Variants in MCM9 observed in about 807,000 individuals in gnomAD.
MCM9 encodes minichromosome maintenance 9 homologous recombination repair factor.
Under a neutral mutation model 72.8 loss-of-function variants are expected in MCM9, and 55 were observed. That is an observed-to-expected ratio of 0.76 (90% confidence interval 0.61 to 0.95). The LOEUF (loss-of-function observed/expected upper bound fraction) is 0.95. Ranked by LOEUF, MCM9 falls within the 40% of genes least tolerant of loss-of-function variation. MCM9 has a pLI of 0.00. For missense variants in MCM9, 1,279 were observed against 1,377.0 expected, an observed-to-expected ratio of 0.93 and a Z score of 1.13; for synonymous variants, 480 against 503.4, an observed-to-expected ratio of 0.95 and a Z score of 0.62.
intron 3 of MCM9, among the ~76,000 whole-genome samples, chr6:118,926,082 A>G (rs562743673): frequency 6.6e-6 from 1 of 152,018 alleles, no homozygotes; most frequent in Non-Finnish European, 1.5e-5. Context: ...AGTAGCAGTC[A>G]CTCCCCATTC....
chr6:118,864,496 C>T lies in MCM9; in HGVS notation c.1151-7951G>A, dbSNP rs185289316. On this transcript the variant is annotated intron_variant, in intron 8 of 13. Transcript: ENST00000619706. The stretch of plus-strand genomic sequence containing the variant: ...CAAAAGCACCAAATAAACATCTATT[C>T]ACGAATCAGTTCCCTCCGAGAGAAA... 8.5e-5 allele frequency among the ~76,000 whole-genome samples: 13 copies of T among 152,210 alleles called. No individual in the cohort carries two copies. The East Asian group carries it at 2.3e-3, about 27-fold the overall frequency.
At chr6:118,927,047 C>A (rs531435346) in intron 3 of MCM9, among the ~76,000 whole-genome samples, 69 of 152,232 alleles carry the variant, frequency 4.5e-4, no homozygotes, top group African/African-American at 1.6e-3. Flanking sequence ...AACAAAAATT[C>A]TTTGGGTTTC....
rs560003759 is a variant in MCM9 at position 118,851,858 on chromosome 6, G to T, written c.1325+4513C>A. On this transcript the variant is annotated intron_variant, in intron 9 of 13. Coordinates refer to ENST00000619706, the MANE Select transcript of MCM9 (RefSeq NM_017696.3). ...TAACAATGCCTACCACAGTGCGGTG[G>T]TCTAAAAAAGCAGCTCTTGAGAAAT... Among the ~76,000 whole-genome samples the T allele has an allele frequency of 2.6e-5, 4 of 152,290 alleles. No individual in the cohort carries two copies. The East Asian group carries it at 7.7e-4, about 29-fold the overall frequency.
chr6:118,846,026 T>C (rs1775839390), intron 9 of MCM9, among the ~76,000 whole-genome samples: 1 of 151,820 alleles, frequency 6.6e-6, no homozygotes, highest in African/African-American at 2.4e-5. Flanking sequence ...TTTTCCTATA[T>C]GTGGTTCAGA....
intron 9 of MCM9, among the ~76,000 whole-genome samples, chr6:118,837,152 G>C (rs1198311644): frequency 1.3e-5 from 2 of 152,180 alleles, no homozygotes; most frequent in Non-Finnish European, 2.9e-5. Flanking sequence ...TTCAGGAGCA[G>C]TTTCCATGTA....
chr6:118,856,928 C>T (rs1776593031), intron 8 of MCM9, among the ~76,000 whole-genome samples: 2 of 152,044 alleles, frequency 1.3e-5, no homozygotes, highest in Admixed American at 1.3e-4. Flanking sequence ...AAAGAAATGC[C>T]TACATTTTAA....
intron 3 of MCM9, among the ~76,000 whole-genome samples, chr6:118,928,647 A>G (rs1158087983): frequency 1.3e-5 from 2 of 151,660 alleles, no homozygotes; most frequent in Non-Finnish European, 2.9e-5. Context: ...TAGGAGTTCA[A>G]GACCAGCCTG....
At chr6:118,904,367 T>C (rs1780020286) in intron 8 of MCM9, among the ~76,000 whole-genome samples, 1 of 152,210 alleles carries the variant, frequency 6.6e-6, no homozygotes, top group Admixed American at 6.5e-5. Flanking sequence ...TCTTCAATTT[T>C]CACAAGCTAA....
chr6:118,857,749 C>T (rs951635556), intron 8 of MCM9, among the ~76,000 whole-genome samples: 2 of 151,608 alleles, frequency 1.3e-5, no homozygotes, highest in Admixed American at 1.3e-4. Context: ...TAACTCTATG[C>T]CATACATTTG....
Position 118,834,845 on chromosome 6 carries a change from C to T in MCM9, c.1326-5595G>A, listed in dbSNP as rs142535711. ...GATAGTTTCTTTTGCTGTGCAGAAG[C>T]TCTTTAGTTTAATCAAATCCCATTT... On this transcript the variant is annotated intron_variant, in intron 9 of 13. Coordinates refer to ENST00000619706, the MANE Select transcript of MCM9 (RefSeq NM_017696.3). Among the ~76,000 whole-genome samples the T allele has an allele frequency of 3.4e-3, 525 of 152,262 alleles. 3 individuals are homozygous for T. The highest frequency in any genetic ancestry group is 0.011 in the African/African-American group (461 of 41,540).
chr6:118,874,123 T>C (rs1161044327), intron 8 of MCM9, among the ~76,000 whole-genome samples: 17 of 151,846 alleles, frequency 1.1e-4, no homozygotes, highest in Non-Finnish European at 2.4e-4. Flanking sequence ...GGCATGGTGG[T>C]GCATGCCTGT....
chr6:118,913,193 T>G, intron 7 of MCM9, 102 bp downstream of exon 7: 1 of 1,343,312 alleles, frequency 7.4e-7, no homozygotes, highest in South Asian at 1.3e-5. Context: ...AAGATTACAA[T>G]TGGAAAATAA....
At chr6:118,819,382 T>A (rs528834935) in intron 13 of MCM9, among the ~76,000 whole-genome samples, 2 of 152,334 alleles carry the variant, frequency 1.3e-5, no homozygotes, top group East Asian at 1.9e-4. Context: ...GATAATCATG[T>A]GGTTTTTGTC....
At chr6:118,919,310 G>A (rs1432572481) in intron 5 of MCM9, 1 of 152,160 alleles carries the variant, frequency 6.6e-6, no homozygotes, top group African/African-American at 2.4e-5. Flanking sequence ...TTAAATCCCA[G>A]CTCCACTGCC....
At position 118,848,135 on chromosome 6, in the gene MCM9, T is replaced by C. The variant is rs550582395; in HGVS notation, c.1325+8236A>G. 4.2e-4 allele frequency among the ~76,000 whole-genome samples: 64 copies of C among 151,918 alleles called. 1 individual carries two copies. Among genetic ancestry groups the C allele is most frequent in the South Asian group, 1.7e-3 (8 of 4,812 alleles). ...CAATGGTGAAGCACTTCATTTTAGA[T>C]AGACCAAAGCAAAAGAAAGCATAAA... On this transcript the variant is annotated intron_variant, in intron 9 of 13. Coordinates refer to ENST00000619706, the MANE Select transcript of MCM9 (RefSeq NM_017696.3).
rs117514249 is a variant in MCM9 at position 118,921,717 on chromosome 6, G to C, written c.703+288C>G. 2,177 of 246,834 alleles carry C rather than the reference G, an allele frequency of 8.8e-3. 23 individuals carry two copies. The highest frequency in any genetic ancestry group is 0.028 in the South Asian group (219 of 7,952). 15.3% of individuals were successfully genotyped at this position (246,834 alleles called of 1,614,324 possible). ...GAAAAGAGCCTTAAATTAGACATCA[G>C]TGGTTCTGGATTCATGTTCCAGTTA... On this transcript the variant is annotated intron_variant, in intron 5 of 13. Coordinates refer to ENST00000619706, the MANE Select transcript of MCM9 (RefSeq NM_017696.3).
chr6:118,845,505 C>T (rs531942021), intron 9 of MCM9, among the ~76,000 whole-genome samples: 3 of 151,668 alleles, frequency 2.0e-5, no homozygotes, highest in Non-Finnish European at 2.9e-5. Context: ...ACTAAAAAAG[C>T]GGGGAGCTCT....
At chr6:118,830,821 A>G (rs1166639559) in intron 9 of MCM9, among the ~76,000 whole-genome samples, 1 of 152,204 alleles carries the variant, frequency 6.6e-6, no homozygotes, top group African/African-American at 2.4e-5. Flanking sequence ...TGAGAATCCA[A>G]AAAGGTACAT....
intron 9 of MCM9, among the ~76,000 whole-genome samples, chr6:118,851,198 C>A (rs1464636445): frequency 2.0e-5 from 3 of 151,716 alleles, no homozygotes; most frequent in Non-Finnish European, 2.9e-5. Context: ...CATTTCATTT[C>A]AAATCAAAAG....
Sources: gnomAD v4.1 joint callset for allele counts (sites outside exome capture counted in the v4.1 genomes callset) on GRCh38, gnomAD v4.1.1 for gene constraint, MANE v1.5 for transcripts, NCBI Gene and HGNC (gene_info 2026-07-23, HGNC 2026-07-21) for gene names.